Variants in ABCA9 observed in about 807,000 individuals in gnomAD.
ABCA9 encodes ATP-binding cassette sub-family A member 9.
A neutral mutation model predicts 205.3 loss-of-function variants in ABCA9; 183 were observed. The ratio of observed to expected loss-of-function variants is 0.89; its 90% CI spans 0.79 to 1.01. ABCA9 has a LOEUF of 1.01. Among genes scored for constraint, ABCA9 ranks in the 50% least tolerant of loss-of-function variants. The pLI, the probability that ABCA9 is intolerant of heterozygous loss-of-function variation, is 0.00. For missense variants in ABCA9, 1,805 were observed against 1,912.4 expected (o/e 0.94, Z 1.05); for synonymous variants, 651 against 683.3 (o/e 0.95, Z 0.74).
intron 17 of ABCA9, chr17:69,022,317 T>G (rs1012787795): frequency 1.3e-5 from 2 of 151,648 alleles, no homozygotes; most frequent in African/African-American, 4.9e-5. Flanking sequence ...TTTAAAAACA[T>G]GTAAAATTTC....
intron 25 of ABCA9, among the ~76,000 whole-genome samples, chr17:69,005,751 A>AT (rs893321405): frequency 8.6e-5 from 13 of 151,308 alleles, no homozygotes; most frequent in East Asian, 5.8e-4. Flanking sequence ...ATGCTGGCTT[A>AT]TTTTTTTTTC....
chr17:68,991,738 C>A (rs2069461366), intron 28 of ABCA9, among the ~76,000 whole-genome samples: 1 of 152,146 alleles, frequency 6.6e-6, no homozygotes, highest in Non-Finnish European at 1.5e-5. Context: ...GTTTCAAGAT[C>A]CTCCAATATC....
intron 25 of ABCA9, among the ~76,000 whole-genome samples, chr17:69,002,631 G>T (rs1391041701): frequency 2.0e-5 from 3 of 151,998 alleles, no homozygotes; most frequent in African/African-American, 7.3e-5. Context: ...TGTCTATTAG[G>T]TCCGCTTGGT....
At chr17:69,019,045 CTTAAGT>C (rs2070731275) in intron 19 of ABCA9, among the ~76,000 whole-genome samples, 2 of 150,784 alleles carry the variant, frequency 1.3e-5, no homozygotes, top group East Asian at 1.9e-4. Flanking sequence ...ATTTCTCTCC[CTTAAGT>C]TTATTTTCTA....
chr17:69,047,558 A>C (rs2071758209), intron 3 of ABCA9, among the ~76,000 whole-genome samples: 1 of 152,112 alleles, frequency 6.6e-6, no homozygotes, highest in African/African-American at 2.4e-5. Context: ...AATGGATTCC[A>C]AGAGCAGGGA....
At chr17:69,061,833 G>A (rs2072263302), upstream of ABCA9, among the ~76,000 whole-genome samples, 1 of 152,184 alleles carries the variant, frequency 6.6e-6, no homozygotes, top group Non-Finnish European at 1.5e-5. Flanking sequence ...CTGAAGAAGA[G>A]GGGGGAAAGG....
At chr17:69,040,930 G>A (rs545652675) in intron 6 of ABCA9, among the ~76,000 whole-genome samples, 1 of 150,296 alleles carries the variant, frequency 6.7e-6, no homozygotes, top group South Asian at 2.1e-4. Flanking sequence ...AAAGGAGAAA[G>A]AGAAAAAGCT....
At chr17:69,052,060 TCATGTC>T (rs1468473515) in intron 1 of ABCA9, among the ~76,000 whole-genome samples, 1 of 152,170 alleles carries the variant, frequency 6.6e-6, no homozygotes, top group East Asian at 1.9e-4. Flanking sequence ...ACCCGGGACA[TCATGTC>T]CAGCTACCAA....
At chr17:68,998,009 GA>G (rs1216657355) in intron 25 of ABCA9, among the ~76,000 whole-genome samples, 1 of 152,164 alleles carries the variant, frequency 6.6e-6, no homozygotes, top group Non-Finnish European at 1.5e-5. Context: ...GCCTTTTCCA[GA>G]ATGTCATTTA....
intron 6 of ABCA9, among the ~76,000 whole-genome samples, chr17:69,041,729 T>TTATCCATCTATCTATC: frequency 6.7e-6 from 1 of 149,462 alleles, no homozygotes; most frequent in Admixed American, 6.7e-5. Context: ...AAGAAAGAAA[T>TTATCCATCTATCTATC]TATCTATCTA....
At chr17:69,049,646 T>C (rs1321827611) in intron 2 of ABCA9, among the ~76,000 whole-genome samples, 156 bp from the exon 3 acceptor site, 1 of 152,196 alleles carries the variant, frequency 6.6e-6, no homozygotes, top group East Asian at 1.9e-4. Context: ...TCTTTGTCCA[T>C]TAATCTGCAT....
chr17:68,999,463 T>C (rs1179555669), intron 25 of ABCA9, among the ~76,000 whole-genome samples: 4 of 141,392 alleles, frequency 2.8e-5, no homozygotes, highest in Non-Finnish European at 6.1e-5. Flanking sequence ...AACTCATCAT[T>C]TTTTATGGCT....
intron 32 of ABCA9, 58 bp downstream of exon 32, chr17:68,986,106 T>C: frequency 1.3e-6 from 2 of 1,499,836 alleles, no homozygotes; most frequent in East Asian, 4.7e-5. Flanking sequence ...ATTTTGTGTG[T>C]ATGTTATTAA....
chr17:68,983,555 G>A (rs1349861984), intron 36 of ABCA9, among the ~76,000 whole-genome samples, 154 bp downstream of exon 36: 1 of 152,174 alleles, frequency 6.6e-6, no homozygotes, highest in African/African-American at 2.4e-5. Context: ...TTTCCCTCTT[G>A]TGTGAGCCCT....
At chr17:69,038,951 C>T (rs2071437341) in intron 6 of ABCA9, among the ~76,000 whole-genome samples, 1 of 152,106 alleles carries the variant, frequency 6.6e-6, no homozygotes, top group South Asian at 2.1e-4. Flanking sequence ...CATTAGTGAA[C>T]TCCCATTCAC....
intron 26 of ABCA9, 38 bp downstream of exon 26, chr17:68,995,857 A>G (rs375081070): frequency 6.2e-5 from 99 of 1,609,448 alleles, no homozygotes; most frequent in Non-Finnish European, 7.9e-5. Flanking sequence ...AAATGACCAC[A>G]CATTTCATGA....
In ABCA9 at chr17:69,023,606, A is replaced by G. The variant is rs1028118690; in HGVS notation, c.2281+608T>C. 3.3e-5 allele frequency among the ~76,000 whole-genome samples: 5 copies of G among 152,212 alleles called. No individual in the cohort carries two copies. The highest frequency in any genetic ancestry group is 7.3e-5 in the Non-Finnish European group (5 of 68,044). On this transcript the variant is annotated intron_variant, in intron 17 of 38. Transcript: ENST00000340001. The surrounding 1 kb of genome is among the most constrained non-coding windows in gnomAD (Gnocchi z 4.2). ...CTTGATATGGCAAACACATTTTTAC[A>G]GAGTAAACTTAAGAAGCATTCTACC...
At chr17:69,057,574 A>C (rs73370076) in intron 1 of ABCA9, among the ~76,000 whole-genome samples, 5,003 of 152,352 alleles carry the variant, frequency 0.033, 278 homozygotes, top group African/African-American at 0.11. Context: ...GAACAAACAA[A>C]GAATTCAGGA....
intron 27 of ABCA9, 34 bp downstream of exon 27, chr17:68,992,982 C>T: frequency 1.3e-6 from 2 of 1,526,972 alleles, no homozygotes; most frequent in Non-Finnish European, 1.8e-6. Flanking sequence ...TGTGTTCCCT[C>T]ATGCAAGAAT....
Sources: gnomAD v4.1 joint callset for allele counts (sites outside exome capture counted in the v4.1 genomes callset) on GRCh38, gnomAD v4.1.1 for gene constraint, Gnocchi (gnomAD v3.1) non-coding constraint, MANE v1.5 for transcripts, NCBI Gene and HGNC (gene_info 2026-07-23, HGNC 2026-07-21) for gene names.